GRB14: variants seen among roughly 807,000 people sequenced by gnomAD.
GRB14 encodes growth factor receptor-bound protein 14.
In GRB14, 38 loss-of-function variants were observed where a neutral mutation model predicts 69.1. The observed-to-expected ratio is 0.55, with a 90% CI of 0.42 to 0.72. The LOEUF (loss-of-function observed/expected upper bound fraction) is 0.72, where lower values mean the gene tolerates loss of function less well. GRB14 is among the 30% of genes least tolerant of loss of function. The pLI, the probability that GRB14 is intolerant of heterozygous loss-of-function variation, is 0.00. For missense variants in GRB14, 666 were observed against 666.1 expected, an observed-to-expected ratio of 1.00 and a Z score of 0.00; for synonymous variants, 247 against 241.3, an observed-to-expected ratio of 1.02 and a Z score of -0.22.
At chr2:164,494,006 T>A (rs942007993) in intron 13 of GRB14, among the ~76,000 whole-genome samples, 2 of 152,080 alleles carry the variant, frequency 1.3e-5, no homozygotes, top group African/African-American at 4.8e-5. Context: ...ACCAGTTCCA[T>A]AGAATCTCTG....
At chr2:164,605,239 T>C (rs890227576) in intron 2 of GRB14, among the ~76,000 whole-genome samples, 3 of 152,042 alleles carry the variant, frequency 2.0e-5, no homozygotes, top group Non-Finnish European at 4.4e-5. Context: ...CCCAACTGGA[T>C]GAGGAGAGAG....
chr2:164,516,492 A>AC (rs1433940978), intron 6 of GRB14, among the ~76,000 whole-genome samples: 1 of 148,346 alleles, frequency 6.7e-6, no homozygotes, highest in East Asian at 2.0e-4. Flanking sequence ...AAGAAAAAGA[A>AC]AAAAAAAAAA....
intron 2 of GRB14, among the ~76,000 whole-genome samples, chr2:164,610,907 TG>T (rs1690152976): frequency 1.0e-5 from 1 of 98,348 alleles, no homozygotes; most frequent in Non-Finnish European, 2.1e-5. Flanking sequence ...ACATTTAGGC[TG>T]GTCAAAAAAA....
chr2:164,506,706 T>C lies in GRB14; in HGVS notation c.1023+1749A>G, dbSNP rs190777955. 1.6e-4 allele frequency among the ~76,000 whole-genome samples: 25 copies of C among 152,210 alleles called. No homozygotes were observed. The East Asian group carries it at 4.8e-3, about 29-fold the overall frequency. On this transcript the variant is annotated intron_variant, in intron 8 of 13. Transcript: ENST00000263915. ...TAGCCAAAGGTAGAAACAACCTAAA[T>C]GTCCATCAGTGAAAAAATGGATAAA...
chr2:164,524,807 G>A (rs994015137), intron 5 of GRB14, among the ~76,000 whole-genome samples, 197 bp downstream of exon 5: 2 of 151,644 alleles, frequency 1.3e-5, no homozygotes, highest in Non-Finnish European at 2.9e-5. Context: ...CTGGGAAGAA[G>A]AATATTGTTA....
intron 2 of GRB14, chr2:164,568,464 G>A: frequency 3.4e-6 from 4 of 1,190,640 alleles, no homozygotes; most frequent in Non-Finnish European, 4.3e-6. Context: ...GAATCTCAGG[G>A]CTCAGTGCAA....
intron 2 of GRB14, among the ~76,000 whole-genome samples, chr2:164,615,764 T>C (rs1020830096): frequency 2.0e-5 from 3 of 152,140 alleles, no homozygotes; most frequent in Admixed American, 6.5e-5. Context: ...TACAACATAG[T>C]CCTGGGAAGC....
At chr2:164,587,148 G>A (rs1168344040) in intron 2 of GRB14, among the ~76,000 whole-genome samples, 2 of 151,924 alleles carry the variant, frequency 1.3e-5, no homozygotes, top group African/African-American at 4.8e-5. Context: ...AACCAACAAC[G>A]AATCAAAACA....
In GRB14 at chr2:164,520,771, C is replaced by A. The variant is rs560211410; in HGVS notation, c.816+1209G>T. On this transcript the variant is annotated intron_variant, in intron 6 of 13. Coordinates refer to ENST00000263915, the MANE Select transcript of GRB14 (RefSeq NM_004490.3). ...CATATGAAAAAAATACTCAACATCACCAAAGATCAAGGGAATGCAAATCAA... is the reference window on the plus strand; with the variant it reads ...CATATGAAAAAAATACTCAACATCAACAAAGATCAAGGGAATGCAAATCAA... 5.2e-4 allele frequency among the ~76,000 whole-genome samples: 79 copies of A among 152,150 alleles called. 1 individual carries two copies. Among genetic ancestry groups the A allele is most frequent in the African/African-American group, 1.9e-3 (77 of 41,510 alleles).
intron 3 of GRB14, among the ~76,000 whole-genome samples, chr2:164,541,902 C>T (rs1168958685): frequency 2.0e-5 from 3 of 152,110 alleles, no homozygotes; most frequent in African/African-American, 7.2e-5. Context: ...GTTGCCATCT[C>T]TATGTCCATG....
At chr2:164,523,194 C>T (rs1687678947) in intron 5 of GRB14, among the ~76,000 whole-genome samples, 1 of 152,052 alleles carries the variant, frequency 6.6e-6, no homozygotes, top group African/African-American at 2.4e-5. Context: ...AGATGACCCA[C>T]CCAGCTAAAC....
At chr2:164,610,347 T>C (rs1202695152) in intron 2 of GRB14, among the ~76,000 whole-genome samples, 4 of 152,134 alleles carry the variant, frequency 2.6e-5, no homozygotes, top group African/African-American at 7.2e-5. Context: ...AAAGAAAGTA[T>C]AGCAGTTCAC....
chr2:164,493,024 CT>C lies in GRB14; in HGVS notation c.*11del, dbSNP rs775517663. 7 of 1,608,286 alleles carry C rather than the reference CT, an allele frequency of 4.4e-6. No individual in the cohort carries two copies. The Admixed American group carries it at 1.0e-4, about 23-fold the overall frequency. On this transcript the variant is annotated 3_prime_UTR_variant, in exon 14 of 14. Coordinates refer to ENST00000263915, the MANE Select transcript of GRB14 (RefSeq NM_004490.3). The stretch of plus-strand genomic sequence containing the variant: ...TTTCCTTCAATAGTTTAATAAGTCA[CT>C]TCTGGCTTGTCTAGAGAGCAATCCT...
At chr2:164,573,104 C>T (rs1689160746) in intron 2 of GRB14, among the ~76,000 whole-genome samples, 1 of 152,170 alleles carries the variant, frequency 6.6e-6, no homozygotes, top group Non-Finnish European at 1.5e-5. Context: ...TTTTCCATTT[C>T]TCCTTTCTTG....
At chr2:164,599,130 G>T (rs1452662068) in intron 2 of GRB14, among the ~76,000 whole-genome samples, 2 of 151,848 alleles carry the variant, frequency 1.3e-5, no homozygotes, top group African/African-American at 4.8e-5. Context: ...TGGCTGAAAA[G>T]ATGGGAGCAG....
At chr2:164,517,865 A>G (rs1399431917) in intron 6 of GRB14, among the ~76,000 whole-genome samples, 6 of 152,230 alleles carry the variant, frequency 3.9e-5, no homozygotes, top group Non-Finnish European at 8.8e-5. Flanking sequence ...CCAAATTTAT[A>G]AAACAATTTC....
chr2:164,616,241 G>A (rs927416355), intron 2 of GRB14, among the ~76,000 whole-genome samples: 4 of 151,714 alleles, frequency 2.6e-5, no homozygotes, highest in African/African-American at 7.3e-5. Flanking sequence ...TGGCTAACAC[G>A]GTAAAACCCT....
At chr2:164,534,588 A>C (rs1688033262) in intron 3 of GRB14, among the ~76,000 whole-genome samples, 1 of 152,174 alleles carries the variant, frequency 6.6e-6, no homozygotes, top group African/African-American at 2.4e-5. Flanking sequence ...CTAGCCAAAA[A>C]ACACCATCAC....
At chr2:164,534,882 A>G (rs1452027158) in intron 3 of GRB14, among the ~76,000 whole-genome samples, 2 of 152,196 alleles carry the variant, frequency 1.3e-5, no homozygotes, top group Non-Finnish European at 1.5e-5. Flanking sequence ...ATTATTTTAG[A>G]CTTTATTTTT....
Sources: allele counts gnomAD v4.1 joint callset (sites outside exome capture counted in the v4.1 genomes callset), GRCh38; gene constraint gnomAD v4.1.1; transcripts MANE v1.5; gene names NCBI Gene and HGNC (gene_info 2026-07-23, HGNC 2026-07-21).